NAA16: variants seen among roughly 807,000 people sequenced by gnomAD.
NAA16 encodes the protein NARG1-like protein.
A neutral mutation model predicts 110.3 loss-of-function variants in NAA16; 97 were observed. The ratio of observed to expected loss-of-function variants is 0.88; its 90% CI spans 0.75 to 1.04. The LOEUF is 1.04. Ranked by LOEUF, NAA16 falls within the 50% of genes least tolerant of loss-of-function variation. The probability of loss-of-function intolerance (pLI) is 0.00; values close to 1 mark genes in which losing one functional copy is unlikely to be tolerated. For missense variants in NAA16, 1,017 were observed against 1,005.1 expected (o/e 1.01, Z -0.16); for synonymous variants, 372 against 330.6 (o/e 1.13, Z -1.36).
intron 5 of NAA16, 21 bp downstream of exon 5, chr13:41,323,211 T>C: frequency 1.2e-6 from 2 of 1,611,010 alleles, no homozygotes; most frequent in Non-Finnish European, 1.7e-6. Context: ...TAATGTTTCC[T>C]TCTACCTTCA....
rs1338615493 is a variant in NAA16 at position 41,358,434 on chromosome 13, T to A, written c.1218T>A (p.Thr406=). 6.2e-7 allele frequency: 1 copy of A among 1,613,382 alleles called. No homozygotes were observed. Among genetic ancestry groups the A allele is most frequent in the Non-Finnish European group, 8.5e-7 (1 of 1,179,330 alleles). Reference sequence around the variant, plus strand: ...ATGCTGCAATTGCTAGTACTCCAACTCTAATAGAATTATTCTATATGAAAG... The same window carrying A: ...ATGCTGCAATTGCTAGTACTCCAACACTAATAGAATTATTCTATATGAAAG... The part of the protein sequence containing the change: ...YINAAIASTP[T]LIELFYMKAK... Residue 406 remains threonine (T), a synonymous_variant, in exon 11 of 20, where the codon ACT becomes ACA. Transcript: ENST00000379406.
chr13:41,329,346 G>T (rs1326719543), intron 7 of NAA16, among the ~76,000 whole-genome samples: 2 of 151,794 alleles, frequency 1.3e-5, no homozygotes, highest in Admixed American at 1.3e-4. Context: ...TGGTAACTTT[G>T]ACCCTTTTCA....
At chr13:41,359,784 T>G (rs1245069956) in intron 12 of NAA16, among the ~76,000 whole-genome samples, 1 of 152,070 alleles carries the variant, frequency 6.6e-6, no homozygotes, top group African/African-American at 2.4e-5. Context: ...TAATCTAATA[T>G]AATAGAAAAT....
At chr13:41,319,736 C>T (rs1012686724) in intron 3 of NAA16, among the ~76,000 whole-genome samples, 3 of 151,904 alleles carry the variant, frequency 2.0e-5, no homozygotes, top group Non-Finnish European at 4.4e-5. Context: ...AGGCTGATCT[C>T]GAACTCCTGA....
rs2041925531 is a variant in NAA16, at chr13:41,320,768, A to T, written c.346A>T (p.Ile116Phe). 1 of 1,613,294 alleles carries T rather than the reference A, an allele frequency of 6.2e-7. No homozygotes were observed. The highest frequency in any genetic ancestry group is 8.5e-7 in the Non-Finnish European group (1 of 1,179,868). Reference protein sequence around the residue: ...ALKLDKDNLQILRDLSLLQIQ... With the variant: ...ALKLDKDNLQFLRDLSLLQIQ... ...CAAATTAGATAAAGATAACCTGCAA[A>T]TTTTGAGGGATCTCTCACTGTTGCA... is the stretch of plus-strand genomic sequence containing the variant. Residue 116 changes from isoleucine to phenylalanine, a missense_variant, in exon 4 of 20, where the codon ATT (isoleucine) becomes TTT (phenylalanine). Ile to Phe is a conservative substitution (Grantham distance 21, BLOSUM62 0). Coordinates refer to ENST00000379406, the MANE Select transcript of NAA16 (RefSeq NM_024561.5).
At position 41,376,142 on chromosome 13, in the gene NAA16, T is replaced by C. The variant is rs9315834; in HGVS notation, c.*540T>C. On this transcript the variant is annotated 3_prime_UTR_variant, in exon 20 of 20. Transcript: ENST00000379406. Reference sequence around the variant, plus strand: ...CCTTCTCTACTGAAAATACAAAAATTAGCCAGACGTGATGGCACATACCTG... The same window carrying C: ...CCTTCTCTACTGAAAATACAAAAATCAGCCAGACGTGATGGCACATACCTG... 0.13 allele frequency: 19,849 copies of C among 152,064 alleles called. 1,478 individuals are homozygous for C. Among genetic ancestry groups the C allele is most frequent in the East Asian group, 0.23 (1,182 of 5,144 alleles). 9.4% of individuals were successfully genotyped at this position (152,064 alleles called of 1,614,324 possible). A position where few individuals can be genotyped will look rare whatever the true frequency, so the allele number is the denominator to read the frequency against.
chr13:41,336,185 A>G (rs1366712710), intron 8 of NAA16, among the ~76,000 whole-genome samples: 1 of 151,808 alleles, frequency 6.6e-6, no homozygotes, highest in Non-Finnish European at 1.5e-5. Context: ...TTTTTTTTTA[A>G]ATTTTAATCA....
intron 15 of NAA16, 60 bp from the exon 16 acceptor site, chr13:41,372,143 A>G: frequency 2.3e-6 from 3 of 1,314,594 alleles, no homozygotes; most frequent in South Asian, 1.6e-5. Context: ...ATAAAATTTT[A>G]GGGGAAATTT....
intron 9 of NAA16, among the ~76,000 whole-genome samples, chr13:41,339,908 C>T (rs935601123): frequency 1.3e-5 from 2 of 152,074 alleles, no homozygotes; most frequent in Admixed American, 1.3e-4. Flanking sequence ...AAATGGCACT[C>T]ATTTTACTTT....
At position 41,318,875 on chromosome 13, in the gene NAA16, G is replaced by A. The variant is rs761238656; in HGVS notation, c.209G>A (p.Arg70His). Residue 70 changes from arginine (R) to histidine (H), a missense_variant, in exon 3 of 20, where the codon CGT becomes CAT. Physicochemically the swap from Arg to His is conservative, Grantham distance 29. Coordinates refer to ENST00000379406, the MANE Select transcript of NAA16 (RefSeq NM_024561.5). ...GKKEEAYEFV[R>H]KGLRNDVKSH... Reference sequence around the variant, plus strand: ...AAAGAAGAAGCTTATGAGTTTGTTCGTAAAGGACTTCGTAATGATGTCAAG... The same window carrying A: ...AAAGAAGAAGCTTATGAGTTTGTTCATAAAGGACTTCGTAATGATGTCAAG... 1.6e-5 allele frequency: 26 copies of A among 1,602,588 alleles called. No individual in the cohort carries two copies. The highest frequency in any genetic ancestry group is 1.3e-5 in the African/African-American group (1 of 74,536).
chr13:41,356,613 T>C lies in NAA16; in HGVS notation c.1087+1397T>C, dbSNP rs191592251. Among the ~76,000 whole-genome samples the C allele has an allele frequency of 2.6e-5, 4 of 152,336 alleles. No individual in the cohort carries two copies. The East Asian group carries it at 7.7e-4, about 29-fold the overall frequency. On this transcript the variant is annotated intron_variant, in intron 10 of 19. Coordinates refer to ENST00000379406, the MANE Select transcript of NAA16 (RefSeq NM_024561.5). Reference sequence around the variant, plus strand: ...ATCCAAAAGAAGTCTTTGTGTTTGGTTTATTTGAGTATAGATCCAGTTAAG... The same window carrying C: ...ATCCAAAAGAAGTCTTTGTGTTTGGCTTATTTGAGTATAGATCCAGTTAAG...
At chr13:41,325,245 G>T (rs972320678) in intron 5 of NAA16, among the ~76,000 whole-genome samples, 14 of 151,364 alleles carry the variant, frequency 9.2e-5, no homozygotes, top group African/African-American at 2.9e-4. Flanking sequence ...GTGCGCCACC[G>T]TGCCTGGCCA....
intron 3 of NAA16, among the ~76,000 whole-genome samples, chr13:41,320,231 G>C (rs1003689698): frequency 6.6e-6 from 1 of 152,154 alleles, no homozygotes; most frequent in Non-Finnish European, 1.5e-5. Context: ...GACTAAATTT[G>C]TTTCAAAAAG....
intron 6 of NAA16, among the ~76,000 whole-genome samples, chr13:41,326,970 C>G (rs567556698): frequency 2.6e-5 from 4 of 152,244 alleles, no homozygotes; most frequent in African/African-American, 9.6e-5. Flanking sequence ...ATCTTTTTAC[C>G]CTCTACATAG....
chr13:41,350,604 TTTG>T lies in NAA16; in HGVS notation c.1015-4537_1015-4535del, dbSNP rs1163914814. On this transcript the variant is annotated intron_variant, in intron 9 of 19. Coordinates refer to ENST00000379406, the MANE Select transcript of NAA16 (RefSeq NM_024561.5). ...AGCCACCGCGCCCTGCCAGTTTTTT[TTTG>T]TTTTTTTTTTTTGTTTGTTTGTTTT... Among the ~76,000 whole-genome samples, 28 of 19,770 alleles carry T rather than the reference TTTG, an allele frequency of 1.4e-3. 1 individual carries two copies. The highest frequency in any genetic ancestry group is 7.7e-3 in the African/African-American group (24 of 3,112). The allele number at this position is 19,770 out of a possible 152,430, so 13.0% of individuals were successfully genotyped here.
chr13:41,364,591 C>G (rs1202922118), intron 13 of NAA16, among the ~76,000 whole-genome samples: 2 of 151,528 alleles, frequency 1.3e-5, no homozygotes. Flanking sequence ...CCATTTTTTT[C>G]TTTTACTATT....
At position 41,375,655 on chromosome 13, in the gene NAA16, TTTC is replaced by T. The variant is rs1162321422; in HGVS notation, c.*56_*58del. 4.4e-5 allele frequency: 62 copies of T among 1,393,640 alleles called. No homozygotes were observed. The African/African-American group carries it at 7.0e-4, about 16-fold the overall frequency. The allele number at this position is 1,393,640 out of a possible 1,614,324, so 86.3% of individuals were successfully genotyped here. A position where few individuals can be genotyped will look rare whatever the true frequency, so the allele number is the denominator to read the frequency against. On this transcript the variant is annotated 3_prime_UTR_variant, in exon 20 of 20. Coordinates refer to ENST00000379406, the MANE Select transcript of NAA16 (RefSeq NM_024561.5). Reference sequence around the variant, plus strand: ...ACTCAAAGCTGAATTGAGATCAGGGTTTCTTTTCCAGGGTGCATTTTAATATAC... The same window carrying T: ...ACTCAAAGCTGAATTGAGATCAGGGTTTTTCCAGGGTGCATTTTAATATAC...
At chr13:41,342,438 C>T (rs1042040762) in intron 9 of NAA16, among the ~76,000 whole-genome samples, 4 of 152,162 alleles carry the variant, frequency 2.6e-5, no homozygotes, top group African/African-American at 4.8e-5. Flanking sequence ...GCGCCTGGCC[C>T]AGACCAAACT....
chr13:41,368,859 T>C (rs1192513966), intron 14 of NAA16, among the ~76,000 whole-genome samples: 4 of 152,166 alleles, frequency 2.6e-5, no homozygotes, highest in African/African-American at 9.7e-5. Flanking sequence ...AGGTGAAAGA[T>C]TTAAAGCTGA....
Sources: gnomAD v4.1 joint callset for allele counts (sites outside exome capture counted in the v4.1 genomes callset) on GRCh38, gnomAD v4.1.1 for gene constraint, MANE v1.5 for transcripts, NCBI Gene and HGNC (gene_info 2026-07-23, HGNC 2026-07-21) for gene names.